The following DHX15 variants were observed in gnomAD, a reference collection of about 807,000 sequenced individuals.
DHX15 encodes ATP-dependent RNA helicase DHX15.
Under a neutral mutation model 94.4 loss-of-function variants are expected in DHX15, and 11 were observed. The ratio of observed to expected loss-of-function variants is 0.12; its 90% CI spans 0.07 to 0.19. The LOEUF is 0.19. DHX15 is among the 10% of genes least tolerant of loss of function. The pLI is 1.00. For missense variants in DHX15, 304 were observed against 988.5 expected (o/e 0.31, Z 9.29); for synonymous variants, 338 against 329.9 (o/e 1.02, Z -0.27).
intron 4 of DHX15, among the ~76,000 whole-genome samples, chr4:24,556,045 T>G (rs575509437): frequency 6.6e-6 from 1 of 152,252 alleles, no homozygotes; most frequent in African/African-American, 2.4e-5. Flanking sequence ...TTGAGAAGAT[T>G]GGGCTTAAAA....
chr4:24,578,626 C>T (rs1009330381), intron 1 of DHX15, among the ~76,000 whole-genome samples: 1 of 152,122 alleles, frequency 6.6e-6, no homozygotes, highest in Non-Finnish European at 1.5e-5. Flanking sequence ...CAGTGGCTCA[C>T]TGGATCATGG....
chr4:24,543,856 T>C (rs934401049), intron 6 of DHX15, among the ~76,000 whole-genome samples: 1 of 152,132 alleles, frequency 6.6e-6, no homozygotes, highest in African/African-American at 2.4e-5. Flanking sequence ...GTTACTGATA[T>C]TAAGTTGAAG....
intron 13 of DHX15, among the ~76,000 whole-genome samples, chr4:24,528,826 A>G (rs1332874948): frequency 1.3e-5 from 2 of 152,152 alleles, no homozygotes; most frequent in Non-Finnish European, 2.9e-5. Context: ...TTATGCCTGC[A>G]CAGTTCCTAA....
Position 24,554,240 on chromosome 4 carries a change from T to C in DHX15, c.1080+485A>G, listed in dbSNP as rs1721673525. Among the ~76,000 whole-genome samples, 3 of 152,090 alleles carry C rather than the reference T, an allele frequency of 2.0e-5. No homozygotes were observed. The South Asian group carries it at 6.2e-4, about 31-fold the overall frequency. Reference sequence around the variant, plus strand: ...CTCGAAAAAAAAAAGAAATGCTACATCTGAGAATAAAATTTTAAATGAAGT... The same window carrying C: ...CTCGAAAAAAAAAAGAAATGCTACACCTGAGAATAAAATTTTAAATGAAGT... On this transcript the variant is annotated intron_variant, in intron 5 of 13. Transcript: ENST00000336812.
intron 1 of DHX15, among the ~76,000 whole-genome samples, chr4:24,580,290 C>T (rs1722381307): frequency 6.6e-6 from 1 of 151,948 alleles, no homozygotes; most frequent in South Asian, 2.1e-4. Flanking sequence ...GCCTGTAGTC[C>T]CAGCTACCTG....
At chr4:24,529,195 T>G (rs1233187047) in intron 13 of DHX15, among the ~76,000 whole-genome samples, 2 of 151,732 alleles carry the variant, frequency 1.3e-5, no homozygotes, top group Non-Finnish European at 2.9e-5. Flanking sequence ...CCAGCTAATT[T>G]TTGTACACAC....
chr4:24,577,296 A>G (rs957080504), intron 1 of DHX15, among the ~76,000 whole-genome samples: 1 of 152,234 alleles, frequency 6.6e-6, no homozygotes. Flanking sequence ...ATACCTGTCA[A>G]TATCTCAACT....
chr4:24,560,759 C>T (rs1000428883), intron 3 of DHX15, among the ~76,000 whole-genome samples: 1 of 152,100 alleles, frequency 6.6e-6, no homozygotes, highest in Admixed American at 6.5e-5. Flanking sequence ...CAGCTATCAA[C>T]TAGGTAGAAA....
chr4:24,567,212 T>C (rs748290619), intron 3 of DHX15, among the ~76,000 whole-genome samples: 2 of 152,324 alleles, frequency 1.3e-5, no homozygotes, highest in East Asian at 3.9e-4. Flanking sequence ...CTTACAAGAT[T>C]ATCAAATTGT....
Position 24,554,860 on chromosome 4 carries a change from A to G in DHX15, c.945T>C (p.Arg315=), listed in dbSNP as rs1721694050. The change falls in exon 5 of 14, where the codon CGT becomes CGC. Residue 315 remains arginine (R), a synonymous_variant. Transcript: ENST00000336812. The stretch of plus-strand genomic sequence containing the variant: ...TATAGAAGATCTCAACAGGATGTGT[A>G]CGCCCAGGAATAGTTAGGAGAGGAC... ...DNCPLLTIPG[R]THPVEIFYTP... is the part of the protein sequence containing the mutation. The G allele has an allele frequency of 1.2e-6, 2 of 1,613,860 alleles. No homozygotes were observed. The highest frequency in any genetic ancestry group is 4.5e-5 in the East Asian group (2 of 44,786).
In DHX15 at chr4:24,540,232, A is replaced by G. The variant is rs200166548; in HGVS notation, c.1662T>C (p.Asp554=). 34 of 1,613,432 alleles carry G rather than the reference A, an allele frequency of 2.1e-5. No individual in the cohort carries two copies. The highest frequency in any genetic ancestry group is 1.6e-4 in the Middle Eastern group (1 of 6,080). The stretch of plus-strand genomic sequence containing the variant: ...CCATCATGGATCCCAATTCAGTCAG[A>G]TCTCCATCATCATTTAAAGCAGCCA... ...NYLAALNDDG[D]LTELGSMMAE... Residue 554 remains aspartate, a synonymous_variant, in exon 10 of 14, where the codon GAT becomes GAC. Transcript: ENST00000336812.
At chr4:24,583,450 G>A (rs573548611) in intron 1 of DHX15, among the ~76,000 whole-genome samples, 160 of 150,846 alleles carry the variant, frequency 1.1e-3, no homozygotes, top group Non-Finnish European at 1.9e-3. Context: ...AGAAAAGTGG[G>A]ACATGCATAG....
chr4:24,547,931 A>C lies in DHX15; in HGVS notation c.1248+924T>G, dbSNP rs28385411. On this transcript the variant is annotated intron_variant, in intron 6 of 13. Transcript: ENST00000336812. ...TATATATATATATATATATATATATATATATATATATCTATATCTATATCT... is the reference window on the plus strand; with the variant it reads ...TATATATATATATATATATATATATCTATATATATATCTATATCTATATCT... 2.3e-3 allele frequency among the ~76,000 whole-genome samples: 83 copies of C among 36,286 alleles called. 2 individuals carry two copies. Among genetic ancestry groups the C allele is most frequent in the African/African-American group, 5.7e-3 (44 of 7,656 alleles). 23.8% of individuals were successfully genotyped at this position (36,286 alleles called of 152,430 possible). A position where few individuals can be genotyped will look rare whatever the true frequency, so the allele number is the denominator to read the frequency against.
chr4:24,559,990 T>C (rs1443232233), intron 3 of DHX15, among the ~76,000 whole-genome samples: 1 of 152,304 alleles, frequency 6.6e-6, no homozygotes, highest in Non-Finnish European at 1.5e-5. Context: ...GCTTTTCAAC[T>C]GTGACTGCTT....
At chr4:24,549,413 A>G (rs973799766) in intron 5 of DHX15, among the ~76,000 whole-genome samples, 1 of 152,258 alleles carries the variant, frequency 6.6e-6, no homozygotes, top group African/African-American at 2.4e-5. Context: ...AAATAAGCCA[A>G]TTAGGCTTTA....
intron 11 of DHX15, among the ~76,000 whole-genome samples, chr4:24,535,832 G>A (rs767734843): frequency 6.6e-6 from 1 of 152,136 alleles, no homozygotes; most frequent in African/African-American, 2.4e-5. Flanking sequence ...CCCATTTTAA[G>A]AGTATAACTG....
In DHX15 at chr4:24,527,939, T is replaced by C. The variant is rs1355226585; in HGVS notation, c.2373A>G (p.Glu791=). ...AGCACTGAATTCAGTACTGTGAATA[T>C]TCCTTGGATTGAAGTTTGGCAATGA... ...DRIIAKLQSK[E]YSQY Residue 791 remains glutamate (E), a synonymous_variant, in exon 14 of 14, where the codon GAA becomes GAG. Transcript: ENST00000336812. 1.2e-6 allele frequency: 2 copies of C among 1,611,838 alleles called. No individual in the cohort carries two copies. The highest frequency in any genetic ancestry group is 1.7e-6 in the Non-Finnish European group (2 of 1,177,926).
intron 2 of DHX15, among the ~76,000 whole-genome samples, chr4:24,572,119 G>T (rs1156671278): frequency 6.6e-6 from 1 of 152,088 alleles, no homozygotes; most frequent in Non-Finnish European, 1.5e-5. Context: ...AATTCTCAAG[G>T]CAAGAATGTT....
Position 24,566,220 on chromosome 4 carries a change from T to C in DHX15, c.701+4434A>G, listed in dbSNP as rs558058536. On this transcript the variant is annotated intron_variant, in intron 3 of 13. Transcript: ENST00000336812. ...ACACCTGGCTCATTTTTTTAATATATAAATCTTTTTGGAGAGCCAGGGTCT... is the reference window on the plus strand; with the variant it reads ...ACACCTGGCTCATTTTTTTAATATACAAATCTTTTTGGAGAGCCAGGGTCT... Among the ~76,000 whole-genome samples, 4 of 152,128 alleles carry C rather than the reference T, an allele frequency of 2.6e-5. No homozygotes were observed. In the South Asian group the frequency reaches 8.3e-4, roughly 32 times the overall value.
Sources: gnomAD v4.1 joint callset for allele counts (sites outside exome capture counted in the v4.1 genomes callset) on GRCh38, gnomAD v4.1.1 for gene constraint, MANE v1.5 for transcripts, NCBI Gene and HGNC (gene_info 2026-07-23, HGNC 2026-07-21) for gene names.